CSMD3: variants seen among roughly 807,000 people sequenced by gnomAD.
CSMD3 encodes the protein CUB and Sushi multiple domains 3, also known as CUB and sushi domain-containing protein 3.
In CSMD3, 177 loss-of-function variants were observed where a neutral mutation model predicts 435.2. The ratio of observed to expected loss-of-function variants is 0.41; its 90% CI spans 0.36 to 0.46. The LOEUF (loss-of-function observed/expected upper bound fraction) is 0.46. Among genes scored for constraint, CSMD3 ranks in the 20% least tolerant of loss-of-function variants. The pLI is 0.34. For missense variants in CSMD3, 4,265 were observed against 4,504.6 expected (o/e 0.95, Z 1.52); for synonymous variants, 1,656 against 1,520.5 (o/e 1.09, Z -2.07).
At chr8:113,342,053 T>G (rs2094122850) in intron 1 of CSMD3, among the ~76,000 whole-genome samples, 1 of 151,490 alleles carries the variant, frequency 6.6e-6, no homozygotes, top group African/African-American at 2.4e-5. Context: ...ATAGCCAAAA[T>G]ATTACCAGTT....
intron 4 of CSMD3, among the ~76,000 whole-genome samples, chr8:113,158,917 G>A (rs551638957): frequency 6.6e-6 from 1 of 151,892 alleles, no homozygotes; most frequent in African/African-American, 2.4e-5. Flanking sequence ...AAACAAGACG[G>A]TGCCAAATAT....
intron 3 of CSMD3, among the ~76,000 whole-genome samples, chr8:113,267,981 T>A (rs888578987): frequency 1.3e-5 from 2 of 151,692 alleles, no homozygotes; most frequent in Non-Finnish European, 3.0e-5. Flanking sequence ...TACATACATA[T>A]AATTACATAT....
intron 13 of CSMD3, among the ~76,000 whole-genome samples, chr8:112,738,512 A>C (rs577294352): frequency 6.6e-6 from 1 of 151,804 alleles, no homozygotes; most frequent in Non-Finnish European, 1.5e-5. Context: ...CAAAAGAATT[A>C]TGTCATGCTA....
chr8:113,210,510 A>G (rs2092821745), intron 3 of CSMD3, among the ~76,000 whole-genome samples: 1 of 152,138 alleles, frequency 6.6e-6, no homozygotes, highest in Non-Finnish European at 1.5e-5. Context: ...TATTTTATAT[A>G]TTCGAATCAA....
At chr8:112,320,048 A>C in intron 45 of CSMD3, 67 bp from the exon 46 acceptor site, 1 of 1,005,346 alleles carries the variant, frequency 9.9e-7, no homozygotes, top group Non-Finnish European at 1.6e-6. Flanking sequence ...ATGCAAAAAA[A>C]CAAGAAAATT....
At chr8:112,354,618 A>G (rs1390632992) in intron 38 of CSMD3, among the ~76,000 whole-genome samples, 1 of 152,204 alleles carries the variant, frequency 6.6e-6, no homozygotes, top group African/African-American at 2.4e-5. Context: ...AAACAAATAA[A>G]ACATGTAGCA....
chr8:112,825,470 A>G (rs1250609904), intron 12 of CSMD3, among the ~76,000 whole-genome samples: 1 of 151,928 alleles, frequency 6.6e-6, no homozygotes, highest in African/African-American at 2.4e-5. Context: ...TCTAGTTTCT[A>G]TCGTTGTGGC....
intron 31 of CSMD3, among the ~76,000 whole-genome samples, chr8:112,490,409 G>A (rs1820572207): frequency 6.6e-6 from 1 of 151,930 alleles, no homozygotes; most frequent in African/African-American, 2.4e-5. Context: ...TGGCTCAAAA[G>A]GATTTTTAAA....
chr8:112,921,824 C>A (rs2130634085), intron 9 of CSMD3, 73 bp from the exon 10 acceptor site: 1 of 1,160,216 alleles, frequency 8.6e-7, no homozygotes, highest in South Asian at 1.2e-5. Flanking sequence ...CTTCTGCTGG[C>A]AATATCCAAT....
At chr8:112,581,721 TG>T (rs1468706309) in intron 23 of CSMD3, among the ~76,000 whole-genome samples, 3 of 152,098 alleles carry the variant, frequency 2.0e-5, no homozygotes, top group African/African-American at 4.8e-5. Context: ...TCTTATAGCA[TG>T]CGTTCTATTG....
At chr8:113,311,095 AT>A (rs1019487258) in intron 2 of CSMD3, 1 of 151,988 alleles carries the variant, frequency 6.6e-6, no homozygotes, top group African/African-American at 2.4e-5. Context: ...ATAATAGGTG[AT>A]TTTTTACTTG....
intron 27 of CSMD3, among the ~76,000 whole-genome samples, chr8:112,544,156 T>C (rs1201408658): frequency 1.3e-5 from 2 of 152,176 alleles, no homozygotes; most frequent in Admixed American, 1.3e-4. Context: ...TATATAGTGT[T>C]GTACCTATAA....
intron 18 of CSMD3, among the ~76,000 whole-genome samples, chr8:112,651,214 C>T (rs574749705): frequency 6.6e-6 from 1 of 152,204 alleles, no homozygotes; most frequent in East Asian, 1.9e-4. Context: ...TGAATAACTA[C>T]TATTTCTATA....
chr8:113,157,850 A>G (rs2091962776), intron 4 of CSMD3, among the ~76,000 whole-genome samples: 2 of 152,134 alleles, frequency 1.3e-5, no homozygotes, highest in Non-Finnish European at 2.9e-5. Flanking sequence ...CAAAGAAATC[A>G]AATTTATGCT....
intron 17 of CSMD3, among the ~76,000 whole-genome samples, chr8:112,662,978 CCAT>C (rs1263352162): frequency 6.6e-6 from 1 of 152,032 alleles, no homozygotes; most frequent in African/African-American, 2.4e-5. Context: ...CAACGAGATA[CCAT>C]CTCACACCAG....
intron 50 of CSMD3, chr8:112,310,342 C>T (rs1379374967): frequency 6.5e-6 from 1 of 152,818 alleles, no homozygotes; most frequent in Non-Finnish European, 1.5e-5. Context: ...GCCTCAGCCT[C>T]CCATAAAAAC....
chr8:112,376,770 C>A (rs1563861468), intron 38 of CSMD3, among the ~76,000 whole-genome samples: 3 of 152,106 alleles, frequency 2.0e-5, no homozygotes, highest in Non-Finnish European at 4.4e-5. Flanking sequence ...TCCATTTATT[C>A]ATTTACTCAT....
At chr8:112,282,244 G>T (rs1186222258) in intron 58 of CSMD3, among the ~76,000 whole-genome samples, 1 of 152,004 alleles carries the variant, frequency 6.6e-6, no homozygotes. Flanking sequence ...GTGTGTGTGT[G>T]TGTGTGCATG....
chr8:113,316,329 A>C (rs1387829825), intron 1 of CSMD3, among the ~76,000 whole-genome samples: 1 of 152,296 alleles, frequency 6.6e-6, no homozygotes, highest in Non-Finnish European at 1.5e-5. Context: ...AAATGCAGGA[A>C]ATTTGGGGCT....
Sources: allele counts gnomAD v4.1 joint callset (sites outside exome capture counted in the v4.1 genomes callset), GRCh38; gene constraint gnomAD v4.1.1; transcripts MANE v1.5; gene names NCBI Gene and HGNC (gene_info 2026-07-23, HGNC 2026-07-21).